The following RORA variants were observed in gnomAD, a reference collection of about 807,000 sequenced individuals.
RORA encodes the protein nuclear receptor ROR-alpha.
In RORA, 7 loss-of-function variants were observed where a neutral mutation model predicts 69.5. That is an observed-to-expected ratio of 0.10 (90% CI 0.06 to 0.19). The LOEUF (loss-of-function observed/expected upper bound fraction) is 0.19, where lower values mean the gene tolerates loss of function less well. Ranked by LOEUF, RORA falls within the 10% of genes least tolerant of loss-of-function variation. The pLI is 1.00. For missense variants in RORA, 457 were observed against 663.0 expected (o/e 0.69, Z 3.41); for synonymous variants, 261 against 240.8 (o/e 1.08, Z -0.78).
chr15:60,916,212 G>T (rs1444501689), intron 1 of RORA, among the ~76,000 whole-genome samples: 1 of 152,164 alleles, frequency 6.6e-6, no homozygotes, highest in African/African-American at 2.4e-5. Flanking sequence ...ACAAGATCTA[G>T]CTAGATATTC....
chr15:60,973,294 G>C (rs766598459), intron 1 of RORA, among the ~76,000 whole-genome samples: 10 of 152,152 alleles, frequency 6.6e-5, no homozygotes, highest in African/African-American at 1.7e-4. Context: ...GAGGCCCAGA[G>C]AGGTGAAGTT....
chr15:60,743,469 C>G (rs955083666), intron 1 of RORA, among the ~76,000 whole-genome samples: 3 of 152,166 alleles, frequency 2.0e-5, no homozygotes, highest in African/African-American at 7.2e-5. Flanking sequence ...TAAGTGGAAA[C>G]CTTAAGCTTG....
chr15:60,745,076 G>C (rs992613288), intron 1 of RORA, among the ~76,000 whole-genome samples: 14 of 152,212 alleles, frequency 9.2e-5, no homozygotes, highest in African/African-American at 1.4e-4. Flanking sequence ...GCCATTTTGT[G>C]ACTCGTCTTG....
At chr15:60,499,538 T>TAA (rs1206134055) in intron 10 of RORA, among the ~76,000 whole-genome samples, 1 of 152,190 alleles carries the variant, frequency 6.6e-6, no homozygotes, top group African/African-American at 2.4e-5. Flanking sequence ...ACCCTGTCTC[T>TAA]AAAAAATTAA....
intron 2 of RORA, among the ~76,000 whole-genome samples, chr15:60,600,402 AGTTGTGCCAC>A (rs1171589290): frequency 6.6e-6 from 1 of 152,226 alleles, no homozygotes; most frequent in Non-Finnish European, 1.5e-5. Context: ...CATTTCAGAC[AGTTGTGCCAC>A]ATGTCAATAG....
chr15:60,972,923 A>G (rs1278705380), intron 1 of RORA, among the ~76,000 whole-genome samples: 1 of 152,034 alleles, frequency 6.6e-6, no homozygotes, highest in East Asian at 1.9e-4. Flanking sequence ...ATACCTGGCC[A>G]GAATGCATTC....
chr15:60,985,544 C>T (rs1161573194), intron 1 of RORA, among the ~76,000 whole-genome samples: 4 of 146,738 alleles, frequency 2.7e-5, no homozygotes, highest in African/African-American at 7.6e-5. Context: ...TTCTCACATA[C>T]GAAAAATTAA....
At chr15:60,972,500 CTGTTCGTTATGAGTATGGCTGAG>C (rs768651419) in intron 1 of RORA, among the ~76,000 whole-genome samples, 12 of 152,274 alleles carry the variant, frequency 7.9e-5, no homozygotes, top group African/African-American at 2.2e-4. Flanking sequence ...ATAAATTCTC[CTGTTCGTTATGAGTATGGCTGAG>C]TGTTCGTTAT....
intron 1 of RORA, among the ~76,000 whole-genome samples, chr15:60,700,652 C>G: frequency 6.6e-6 from 1 of 151,946 alleles, no homozygotes; most frequent in East Asian, 1.9e-4. Context: ...TTCAAGGCAT[C>G]AAGGAAGTTA....
At chr15:61,011,615 C>T (rs771833468) in intron 1 of RORA, among the ~76,000 whole-genome samples, 5 of 151,138 alleles carry the variant, frequency 3.3e-5, no homozygotes, top group East Asian at 3.9e-4. Flanking sequence ...AGCTTTCCTA[C>T]GCATTAAAAA....
intron 2 of RORA, among the ~76,000 whole-genome samples, chr15:60,664,037 C>T (rs552064415): frequency 4.6e-5 from 7 of 152,222 alleles, no homozygotes; most frequent in East Asian, 1.9e-4. Context: ...CTAAGAGAAA[C>T]GTATCAACAG....
intron 2 of RORA, among the ~76,000 whole-genome samples, chr15:60,556,671 T>C (rs1757401202): frequency 6.6e-6 from 1 of 152,226 alleles, no homozygotes; most frequent in South Asian, 2.1e-4. Context: ...GGTATAACCC[T>C]GTTTCATGAG....
At chr15:60,590,774 T>C (rs560535332) in intron 2 of RORA, among the ~76,000 whole-genome samples, 6 of 152,292 alleles carry the variant, frequency 3.9e-5, no homozygotes, top group Admixed American at 3.9e-4. Flanking sequence ...CCCAAATAAT[T>C]TTAAGTGCTT....
At chr15:60,818,348 G>A (rs899340672) in intron 1 of RORA, among the ~76,000 whole-genome samples, 2 of 152,004 alleles carry the variant, frequency 1.3e-5, no homozygotes, top group Non-Finnish European at 2.9e-5. Flanking sequence ...GAAGAGGGAA[G>A]GAGAAACCCG....
chr15:61,165,123 C>T (rs2079529773), intron 1 of RORA, among the ~76,000 whole-genome samples: 1 of 152,170 alleles, frequency 6.6e-6, no homozygotes, highest in African/African-American at 2.4e-5. Flanking sequence ...AATACAGAAT[C>T]TGTGTGTGAA....
chr15:60,786,643 GCA>G (rs2072338432), intron 1 of RORA, among the ~76,000 whole-genome samples: 1 of 152,232 alleles, frequency 6.6e-6, no homozygotes, highest in Non-Finnish European at 1.5e-5. Flanking sequence ...GCTTCGTGAT[GCA>G]CAGAGACCCA....
In RORA at chr15:60,851,002, T is replaced by C. The variant is rs1246070883; in HGVS notation, c.167-172316A>G. ...ACACAAAGCACCGGAGCACATTTCA[T>C]TCAGTCTGTTGCTGAGTGAGTGGGT... On this transcript the variant is annotated intron_variant, in intron 1 of 10. Coordinates refer to ENST00000335670, the MANE Select transcript of RORA (RefSeq NM_134261.3). 2.0e-5 allele frequency among the ~76,000 whole-genome samples: 3 copies of C among 152,180 alleles called. No individual in the cohort carries two copies. In the South Asian group the frequency reaches 6.2e-4, roughly 32 times the overall value.
chr15:60,798,935 CTT>C (rs35043218), intron 1 of RORA, among the ~76,000 whole-genome samples: 2,716 of 144,574 alleles, frequency 0.019, 53 homozygotes, highest in East Asian at 0.12. Context: ...CAATAAAGGA[CTT>C]TTTTTTTTTT....
chr15:60,512,924 C>G (rs531687916), intron 4 of RORA, among the ~76,000 whole-genome samples: 1 of 152,294 alleles, frequency 6.6e-6, no homozygotes, highest in East Asian at 1.9e-4. Flanking sequence ...TTCAGCTAGA[C>G]TCAGTCTTTG....
Sources: gnomAD v4.1 joint callset for allele counts (sites outside exome capture counted in the v4.1 genomes callset) on GRCh38, gnomAD v4.1.1 for gene constraint, MANE v1.5 for transcripts, NCBI Gene and HGNC (gene_info 2026-07-23, HGNC 2026-07-21) for gene names.